The following LRRC53 variants were observed in gnomAD, a reference collection of about 807,000 sequenced individuals.
LRRC53 encodes the protein leucine rich repeat containing 53.
LRRC53 carries 25 observed loss-of-function variants against 13.6 expected under a neutral mutation model. That is an observed-to-expected ratio of 1.83 (90% CI 1.34 to 2.56). The LOEUF (loss-of-function observed/expected upper bound fraction) is 2.56. Among genes scored for constraint, LRRC53 ranks in the 30% most tolerant of loss-of-function variants. The pLI, the probability that LRRC53 is intolerant of heterozygous loss-of-function variation, is 0.00. For synonymous variants in LRRC53, 204 were observed against 109.8 expected (o/e 1.86, Z -5.37); for missense variants, 527 against 275.8 (o/e 1.91, Z -6.45).
At chr1:74,500,680 T>C (rs1669578666) in intron 1 of LRRC53, among the ~76,000 whole-genome samples, 1 of 132,178 alleles carries the variant, frequency 7.6e-6, no homozygotes, top group African/African-American at 2.8e-5. Flanking sequence ...CTCACTCTGT[T>C]GGAAGTAAAC....
At chr1:74,524,582 C>T in the LRRC53 span, among the ~76,000 whole-genome samples, 1 of 152,092 alleles carries the variant, frequency 6.6e-6, no homozygotes, top group East Asian at 1.9e-4. Context: ...TTTCTTGGTT[C>T]TAAGAGCAAT....
At chr1:74,483,642 A>G (rs1668608444) in intron 1 of LRRC53, among the ~76,000 whole-genome samples, 1 of 152,258 alleles carries the variant, frequency 6.6e-6, no homozygotes, top group Admixed American at 6.5e-5. Context: ...ACTTTGCAAA[A>G]CAATGTATAG....
At chr1:74,506,075 CACA>C (rs1217896310) in intron 1 of LRRC53, among the ~76,000 whole-genome samples, 1 of 152,164 alleles carries the variant, frequency 6.6e-6, no homozygotes, top group Non-Finnish European at 1.5e-5. Context: ...CAGATGCTAA[CACA>C]GCCCGGGTCC....
At chr1:74,531,072 A>C in the LRRC53 span, among the ~76,000 whole-genome samples, 3 of 152,212 alleles carry the variant, frequency 2.0e-5, no homozygotes, top group Admixed American at 2.0e-4. Flanking sequence ...GCTCAAGCAG[A>C]ACCATGACCT....
At chr1:74,482,222 C>T (rs2100262969) in intron 2 of LRRC53, among the ~76,000 whole-genome samples, 1 of 152,276 alleles carries the variant, frequency 6.6e-6, no homozygotes, top group East Asian at 1.9e-4. Flanking sequence ...TCAATTACTT[C>T]TTGTCTAGGT....
intron 1 of LRRC53, among the ~76,000 whole-genome samples, chr1:74,511,323 G>A (rs1316321736): frequency 6.6e-6 from 1 of 152,082 alleles, no homozygotes; most frequent in Non-Finnish European, 1.5e-5. Flanking sequence ...CTCCCGAGTA[G>A]CTGGGACTAC....
chr1:74,524,133 A>G, the LRRC53 span, among the ~76,000 whole-genome samples: 1 of 152,380 alleles, frequency 6.6e-6, no homozygotes, highest in South Asian at 2.1e-4. Flanking sequence ...TATTTGTGGC[A>G]GTGCCCACAA....
intron 1 of LRRC53, among the ~76,000 whole-genome samples, chr1:74,494,057 T>C (rs45594031): frequency 1.3e-5 from 2 of 152,244 alleles, no homozygotes; most frequent in Non-Finnish European, 2.9e-5. Context: ...GCTTCATAGA[T>C]ACCCTGAAGA....
At chr1:74,488,789 A>G (rs1255760464) in intron 1 of LRRC53, among the ~76,000 whole-genome samples, 1 of 152,236 alleles carries the variant, frequency 6.6e-6, no homozygotes, top group Non-Finnish European at 1.5e-5. Flanking sequence ...GAAGTTCATT[A>G]TAAATCTAGC....
chr1:74,536,025 A>G, the LRRC53 span, among the ~76,000 whole-genome samples: 4 of 152,196 alleles, frequency 2.6e-5, no homozygotes, highest in Non-Finnish European at 5.9e-5. Flanking sequence ...CCTAGTAATC[A>G]GTGTTTTTCT....
At chr1:74,503,632 A>G (rs1669746640) in intron 1 of LRRC53, among the ~76,000 whole-genome samples, 1 of 152,142 alleles carries the variant, frequency 6.6e-6, no homozygotes, top group African/African-American at 2.4e-5. Context: ...TTTTTATGAC[A>G]TGCACTTCCT....
At chr1:74,520,372 G>A in the LRRC53 span, among the ~76,000 whole-genome samples, 2 of 152,046 alleles carry the variant, frequency 1.3e-5, no homozygotes, top group Non-Finnish European at 2.9e-5. Flanking sequence ...CTTCGCGTGA[G>A]TTCCACCACC....
Position 74,469,971 on chromosome 1 carries a change from G to T in LRRC53, c.3651C>A (p.Ser1217Arg). ...EAENEVFLVP[S>R]RINEAENSAP... ...CAGAGTTTTCAGCTTCATTTATTCTGCTAGGAACTAAAAACACCTCATTTT... is the reference window on the plus strand; with the variant it reads ...CAGAGTTTTCAGCTTCATTTATTCTTCTAGGAACTAAAAACACCTCATTTT... Residue 1217 changes from serine (S) to arginine (R), a missense_variant, in exon 5 of 5, where the codon AGC (serine) becomes AGA (arginine). Physicochemically the swap from Ser to Arg is moderately radical, Grantham distance 110. Transcript: ENST00000294635. The T allele has an allele frequency of 5.0e-6, 2 of 400,632 alleles. No individual in the cohort carries two copies. The highest frequency in any genetic ancestry group is 2.5e-4 in the South Asian group (2 of 7,948). 24.8% of individuals were successfully genotyped at this position (400,632 alleles called of 1,614,324 possible).
chr1:74,532,213 C>G, the LRRC53 span, among the ~76,000 whole-genome samples: 13 of 152,256 alleles, frequency 8.5e-5, no homozygotes, highest in Middle Eastern at 3.4e-3. Context: ...GTTTTAGCAT[C>G]ATAGCAAGGT....
Position 74,480,870 on chromosome 1 carries a change from AG to A in LRRC53, c.186del (p.Ser63ProfsTer2). ...TCCTCGATACCATTTCTGCTTAGGGAGAGCAGGGCAAGATTAAACAAGAGAG... is the reference window on the plus strand; with the variant it reads ...TCCTCGATACCATTTCTGCTTAGGGAAGCAGGGCAAGATTAAACAAGAGAG... ...NLSLLFNLAL[L>X]SLSRNGIEDV... On this transcript the variant is annotated frameshift_variant, in exon 3 of 5. Transcript: ENST00000294635. LOFTEE classifies it high-confidence loss of function. 2 of 717,426 alleles carry A rather than the reference AG, an allele frequency of 2.8e-6. No individual in the cohort carries two copies. The highest frequency in any genetic ancestry group is 5.2e-6 in the Non-Finnish European group (2 of 385,088). 44.4% of individuals were successfully genotyped at this position (717,426 alleles called of 1,614,324 possible).
chr1:74,475,158 A>ACT (rs58420581), intron 4 of LRRC53, 137 bp downstream of exon 4: 1 of 548,654 alleles, frequency 1.8e-6, no homozygotes, highest in Non-Finnish European at 3.2e-6. Context: ...ACACACACAC[A>ACT]GTATTTTTAG....
chr1:74,519,333 C>T, the LRRC53 span, among the ~76,000 whole-genome samples: 2 of 105,470 alleles, frequency 1.9e-5, no homozygotes, highest in Middle Eastern at 4.1e-3. Context: ...AATAGTGCCG[C>T]AATAAACATA....
Position 74,472,013 on chromosome 1 carries a change from C to T in LRRC53, c.1609G>A (p.Glu537Lys), listed in dbSNP as rs1399607044. Residue 537 changes from glutamate to lysine, a missense_variant, in exon 5 of 5, where the codon GAA becomes AAA. By Grantham distance (56) the Glu-to-Lys change is moderately conservative. Transcript: ENST00000294635. Reference protein sequence around the residue: ...SSSSKPCEPEEHYVQKIVQKN... With the variant: ...SSSSKPCEPEKHYVQKIVQKN... Reference sequence around the variant, plus strand: ...TGTACGATCTTTTGTACATAGTGTTCCTCAGGCTCACAAGGCTTGGATGAT... The same window carrying T: ...TGTACGATCTTTTGTACATAGTGTTTCTCAGGCTCACAAGGCTTGGATGAT... The T allele has an allele frequency of 2.9e-6, 2 of 690,652 alleles. No homozygotes were observed. Among genetic ancestry groups the T allele is most frequent in the Non-Finnish European group, 2.7e-6 (1 of 374,026 alleles). The allele number at this position is 690,652 out of a possible 1,614,324, so 42.8% of individuals were successfully genotyped here. A position where few individuals can be genotyped will look rare whatever the true frequency, so the allele number is the denominator to read the frequency against.
chr1:74,480,796 C>T lies in LRRC53; in HGVS notation c.261G>A (p.Leu87=). 1 of 717,570 alleles carries T rather than the reference C, an allele frequency of 1.4e-6. No homozygotes were observed. Among genetic ancestry groups the T allele is most frequent in the African/African-American group, 1.7e-5 (1 of 57,388 alleles). The allele number at this position is 717,570 out of a possible 1,614,324, so 44.5% of individuals were successfully genotyped here. A position where few individuals can be genotyped will look rare whatever the true frequency, so the allele number is the denominator to read the frequency against. The change falls in exon 3 of 5, where the codon TTG becomes TTA. Residue 87 remains leucine, a synonymous_variant. Transcript: ENST00000294635. ...LHGLTMLRTL[L]LEHNQISSSS... is the part of the protein sequence containing the mutation. ...AGCTGGATATTTGGTTGTGCTCCAG[C>T]AACAAGGTCCGCAACATCGTAAGCC... is the stretch of plus-strand genomic sequence containing the variant.
Sources: allele counts gnomAD v4.1 joint callset (sites outside exome capture counted in the v4.1 genomes callset), GRCh38; gene constraint gnomAD v4.1.1; transcripts MANE v1.5; gene names NCBI Gene and HGNC (gene_info 2026-07-23, HGNC 2026-07-21).